Variants in DOCK11 observed in about 807,000 individuals in gnomAD.
DOCK11 encodes dedicator of cytokinesis 11, also known as dedicator of cytokinesis protein 11.
A neutral mutation model predicts 169.1 loss-of-function variants in DOCK11; 70 were observed. That is an observed-to-expected ratio of 0.41 (90% CI 0.34 to 0.51). The LOEUF (loss-of-function observed/expected upper bound fraction) is 0.51. DOCK11 is among the 20% of genes least tolerant of loss of function. The probability of loss-of-function intolerance (pLI) is 0.10; values close to 1 mark genes in which losing one functional copy is unlikely to be tolerated. For synonymous variants in DOCK11, 529 were observed against 541.3 expected (o/e 0.98, Z 0.32); for missense variants, 1,166 against 1,538.8 (o/e 0.76, Z 4.05).
At position 118,637,990 on chromosome X, in the gene DOCK11, T is replaced by G. The variant is rs1025405392; in HGVS notation, c.3954-90T>G. The G allele has an allele frequency of 8.1e-5, 59 of 729,985 alleles. No homozygotes were observed. The African/African-American group carries it at 1.1e-3, about 14-fold the overall frequency. The allele number at this position is 729,985 out of a possible 1,213,427, so 60.2% of individuals were successfully genotyped here. On this transcript the variant is annotated intron_variant, in intron 36 of 52. Transcript: ENST00000276202. ...ATTATAATATGATTTAAATAGGCTA[T>G]TCTTTGTAACTTATGACTTTTAAAA... is the stretch of plus-strand genomic sequence containing the variant.
rs752193148 is a variant in DOCK11, at chrX:118,638,223, A to G, written c.4001+96A>G. The G allele has an allele frequency of 3.6e-4, 280 of 785,147 alleles. 2 individuals are homozygous for G. In the South Asian group the frequency reaches 5.1e-3, roughly 14 times the overall value. The allele number at this position is 785,147 out of a possible 1,213,427, so 64.7% of individuals were successfully genotyped here. A position where few individuals can be genotyped will look rare whatever the true frequency, so the allele number is the denominator to read the frequency against. On this transcript the variant is annotated intron_variant, in intron 37 of 52. Coordinates refer to ENST00000276202, the MANE Select transcript of DOCK11 (RefSeq NM_144658.4). ...TGTAAAACCTAGGTTGCATACTTTG[A>G]GTTAACATTGGGATACCGGTGATTT...
At chrX:118,595,299 T>C (rs1229697090) in intron 20 of DOCK11, among the ~76,000 whole-genome samples, 1 of 111,521 alleles carries the variant, frequency 9.0e-6, no homozygotes, top group Non-Finnish European at 1.9e-5. Flanking sequence ...AGTGATTGGC[T>C]ATTAGAGAGA....
chrX:118,500,799 TTTTTG>T (rs1365276190), intron 1 of DOCK11, among the ~76,000 whole-genome samples: 1 of 109,965 alleles, frequency 9.1e-6, no homozygotes, highest in African/African-American at 3.3e-5. Context: ...GTTTTTTTTG[TTTTTG>T]TTTTGTTTTG....
intron 39 of DOCK11, among the ~76,000 whole-genome samples, chrX:118,641,818 G>T (rs181318376): frequency 1.8e-5 from 2 of 111,455 alleles, no homozygotes; most frequent in East Asian, 5.6e-4. Context: ...GGGGGAAATG[G>T]GATAATGGAC....
chrX:118,582,007 G>A lies in DOCK11; in HGVS notation c.1595+1828G>A, dbSNP rs1174058136. On this transcript the variant is annotated intron_variant, in intron 14 of 52. Coordinates refer to ENST00000276202, the MANE Select transcript of DOCK11 (RefSeq NM_144658.4). ...TAGCCGGGCGTGATGGCAGGCGCCT[G>A]TAATCCCAGCTACTCGGGAGGCTGA... 2.8e-5 allele frequency among the ~76,000 whole-genome samples: 3 copies of A among 108,602 alleles called. No individual in the cohort carries two copies. The East Asian group carries it at 8.7e-4, about 31-fold the overall frequency. The allele number at this position is 108,602 out of a possible 115,157, so 94.3% of individuals were successfully genotyped here.
At chrX:118,505,580 G>A (rs1173490411) in intron 1 of DOCK11, among the ~76,000 whole-genome samples, 1 of 112,283 alleles carries the variant, frequency 8.9e-6, no homozygotes, top group Non-Finnish European at 1.9e-5. Context: ...GCTGATCCAA[G>A]AATCTTACCC....
intron 1 of DOCK11, among the ~76,000 whole-genome samples, chrX:118,507,723 A>G (rs2057623621): frequency 8.9e-6 from 1 of 112,024 alleles, no homozygotes; most frequent in Non-Finnish European, 1.9e-5. Context: ...TGTTATATCT[A>G]TCTGTGGCCT....
At chrX:118,585,581 G>T (rs1050550914) in intron 16 of DOCK11, among the ~76,000 whole-genome samples, 2 of 105,987 alleles carry the variant, frequency 1.9e-5, no homozygotes, top group African/African-American at 3.5e-5. Flanking sequence ...CTGAGGTTCC[G>T]GGTGGACATG....
intron 23 of DOCK11, 137 bp from the exon 24 acceptor site, chrX:118,605,101 C>T: frequency 4.9e-6 from 2 of 408,175 alleles, no homozygotes; most frequent in Non-Finnish European, 8.5e-6. Context: ...GCCCCCTATC[C>T]AATGGAAAGC....
intron 23 of DOCK11, among the ~76,000 whole-genome samples, chrX:118,604,045 G>C (rs769919669): frequency 8.9e-6 from 1 of 111,752 alleles, no homozygotes; most frequent in Admixed American, 9.5e-5. Flanking sequence ...GTCCGTGAGG[G>C]TCTGTGTGTG....
At chrX:118,606,426 G>A (rs998606941) in intron 24 of DOCK11, among the ~76,000 whole-genome samples, 5 of 112,597 alleles carry the variant, frequency 4.4e-5, no homozygotes, top group African/African-American at 1.6e-4. Context: ...AGACACAGGT[G>A]ACTAGGGATG....
chrX:118,577,540 C>T (rs1240885879), intron 12 of DOCK11, among the ~76,000 whole-genome samples: 3 of 112,173 alleles, frequency 2.7e-5, no homozygotes, highest in African/African-American at 6.5e-5. Flanking sequence ...ACTTTGTTCA[C>T]TTTCTCAAGC....
At chrX:118,550,616 A>T (rs2012459931) in intron 6 of DOCK11, among the ~76,000 whole-genome samples, 1 of 111,313 alleles carries the variant, frequency 9.0e-6, no homozygotes, top group Admixed American at 9.6e-5. Context: ...CTAGAACTTG[A>T]AGTGAAGGCC....
intron 25 of DOCK11, 26 bp from the exon 26 acceptor site, chrX:118,608,205 A>G: frequency 2.5e-6 from 3 of 1,177,715 alleles, no homozygotes; most frequent in Non-Finnish European, 3.4e-6. Context: ...CTTACAGTTC[A>G]TTTTTTTTTG....
At chrX:118,518,865 G>T (rs1378783289) in intron 1 of DOCK11, among the ~76,000 whole-genome samples, 1 of 111,749 alleles carries the variant, frequency 8.9e-6, no homozygotes, top group Non-Finnish European at 1.9e-5. Context: ...CTGAGCCTGT[G>T]TTGGGGCAGG....
intron 1 of DOCK11, among the ~76,000 whole-genome samples, chrX:118,531,323 T>A (rs1247355022): frequency 1.0e-5 from 1 of 95,924 alleles, no homozygotes; most frequent in Non-Finnish European, 2.0e-5. Context: ...GGTATGGTGG[T>A]GGATGACTGT....
At chrX:118,661,149 G>T (rs1469661147) in intron 44 of DOCK11, among the ~76,000 whole-genome samples, 1 of 106,191 alleles carries the variant, frequency 9.4e-6, no homozygotes, top group Non-Finnish European at 1.9e-5. Flanking sequence ...GTCGAGGCTG[G>T]AATGAGCTAT....
At chrX:118,646,091 C>CA (rs1055517263) in intron 40 of DOCK11, among the ~76,000 whole-genome samples, 1 of 90,476 alleles carries the variant, frequency 1.1e-5, no homozygotes, top group South Asian at 5.0e-4. Context: ...ACAACAACAA[C>CA]AAAAAAACAG....
In DOCK11 at chrX:118,641,988, A is replaced by G. The variant is rs536465628; in HGVS notation, c.4260+683A>G. Among the ~76,000 whole-genome samples, 76 of 110,725 alleles carry G rather than the reference A, an allele frequency of 6.9e-4. 1 individual carries two copies. In the South Asian group the frequency reaches 0.029, roughly 42 times the overall value. On this transcript the variant is annotated intron_variant, in intron 39 of 52. Transcript: ENST00000276202. Reference sequence around the variant, plus strand: ...ATTGCTTCAGACCTCGAGATTTTCTATGGAAACCTGGCCTGTGCTTTTCAA... The same window carrying G: ...ATTGCTTCAGACCTCGAGATTTTCTGTGGAAACCTGGCCTGTGCTTTTCAA...
Sources: allele counts gnomAD v4.1 joint callset (sites outside exome capture counted in the v4.1 genomes callset), GRCh38; gene constraint gnomAD v4.1.1; transcripts MANE v1.5; gene names NCBI Gene and HGNC (gene_info 2026-07-23, HGNC 2026-07-21).